MMP24: variants seen among roughly 807,000 people sequenced by gnomAD.
The protein encoded by MMP24 is matrix metallopeptidase 24, also known as matrix metalloproteinase-24.
MMP24 carries 25 observed loss-of-function variants against 62.8 expected under a neutral mutation model. The ratio of observed to expected loss-of-function variants is 0.40; its 90% CI spans 0.29 to 0.56. The LOEUF (loss-of-function observed/expected upper bound fraction) is 0.56, where lower values mean the gene tolerates loss of function less well. MMP24 is among the 20% of genes least tolerant of loss of function. MMP24 has a pLI of 0.50. For missense variants in MMP24, 634 were observed against 853.6 expected (o/e 0.74, Z 3.21); for synonymous variants, 319 against 350.5 (o/e 0.91, Z 1.00).
At chr20:35,272,864 T>C (rs2060679212) in intron 8 of MMP24, among the ~76,000 whole-genome samples, 1 of 152,206 alleles carries the variant, frequency 6.6e-6, no homozygotes, top group Non-Finnish European at 1.5e-5. Context: ...CTTTATATAA[T>C]GGTTTTGTGA....
At chr20:35,252,073 T>G in intron 3 of MMP24, 52 bp downstream of exon 3, 1 of 1,429,202 alleles carries the variant, frequency 7.0e-7, no homozygotes, top group Non-Finnish European at 9.9e-7. Context: ...CCTCACTCTG[T>G]TTTTCCTGGC....
At chr20:35,261,290 G>C (rs150739582) in intron 4 of MMP24, among the ~76,000 whole-genome samples, 150 of 152,242 alleles carry the variant, frequency 9.9e-4, no homozygotes, top group African/African-American at 3.5e-3. Context: ...CTTCCTTTCT[G>C]GTCAATGGGC....
At chr20:35,257,454 G>A (rs546270121) in intron 4 of MMP24, among the ~76,000 whole-genome samples, 7 of 152,166 alleles carry the variant, frequency 4.6e-5, no homozygotes, top group Non-Finnish European at 1.0e-4. Context: ...ATATTTTTGA[G>A]GCCCTGTTAT....
At chr20:35,265,223 C>G (rs2060626653) in intron 5 of MMP24, among the ~76,000 whole-genome samples, 1 of 152,112 alleles carries the variant, frequency 6.6e-6, no homozygotes. Flanking sequence ...GGGCGATTAC[C>G]TGAGGTCAGG....
In MMP24 at chr20:35,271,064, T is replaced by C. The variant is rs528927243; in HGVS notation, c.1334-505T>C. On this transcript the variant is annotated intron_variant, in intron 7 of 8. Coordinates refer to ENST00000246186, the MANE Select transcript of MMP24 (RefSeq NM_006690.4). The surrounding 1 kb of genome is among the most constrained non-coding windows in gnomAD (Gnocchi z 4.0). ...TTAAAAAAAAGAAGTGGCTGAATACTGAGAGGAGAAGGAAAGAGAGGGTCA... is the reference window on the plus strand; with the variant it reads ...TTAAAAAAAAGAAGTGGCTGAATACCGAGAGGAGAAGGAAAGAGAGGGTCA... Among the ~76,000 whole-genome samples, 6 of 151,480 alleles carry C rather than the reference T, an allele frequency of 4.0e-5. No individual in the cohort carries two copies. The highest frequency in any genetic ancestry group is 1.2e-4 in the African/African-American group (5 of 41,034).
intron 6 of MMP24, chr20:35,267,949 T>G (rs1175374174): frequency 6.5e-6 from 1 of 154,358 alleles, no homozygotes; most frequent in Non-Finnish European, 1.4e-5. Context: ...CTTGACGTGT[T>G]GCAGGTTGGG....
chr20:35,227,105 C>T (rs1295790631), intron 1 of MMP24, 121 bp downstream of exon 1: 3 of 802,850 alleles, frequency 3.7e-6, no homozygotes, highest in South Asian at 5.5e-5. Context: ...GGCGGCGCGC[C>T]GGGGGTCCGC....
intron 5 of MMP24, among the ~76,000 whole-genome samples, chr20:35,266,710 G>A (rs1036856455): frequency 6.6e-6 from 1 of 152,140 alleles, no homozygotes; most frequent in African/African-American, 2.4e-5. Flanking sequence ...AAACTCTCAG[G>A]CCCCACCCCA....
rs542500582 is a variant in MMP24 at position 35,276,042 on chromosome 20, A to C, written c.*1433A>C. 1.0e-5 allele frequency: 4 copies of C among 398,640 alleles called. No individual in the cohort carries two copies. In the East Asian group the frequency reaches 1.1e-4, roughly 11 times the overall value. 24.7% of individuals were successfully genotyped at this position (398,640 alleles called of 1,614,324 possible). On this transcript the variant is annotated 3_prime_UTR_variant, in exon 9 of 9. Transcript: ENST00000246186. Reference sequence around the variant, plus strand: ...CACTGGCTCTCTGCCAAAGCCAAAAAGGTGTCAGGCAGTCTCCAGCGTGCT... The same window carrying C: ...CACTGGCTCTCTGCCAAAGCCAAAACGGTGTCAGGCAGTCTCCAGCGTGCT...
In MMP24 at chr20:35,275,370, G is replaced by A. The variant is rs2060698030; in HGVS notation, c.*761G>A. The A allele has an allele frequency of 6.6e-6, 1 of 152,252 alleles. No homozygotes were observed. The highest frequency in any genetic ancestry group is 6.5e-5 in the Admixed American group (1 of 15,282). The allele number at this position is 152,252 out of a possible 1,614,324, so 9.4% of individuals were successfully genotyped here. On this transcript the variant is annotated 3_prime_UTR_variant, in exon 9 of 9. Transcript: ENST00000246186. ...GTGAACTAGAGGTGACTGTCTTGGT[G>A]ATGAGGCCAGCATAGCGGCCCTCCC...
Position 35,261,689 on chromosome 20 carries a change from C to A in MMP24, c.818-2102C>A, listed in dbSNP as rs78671632. Among the ~76,000 whole-genome samples, 717 of 152,258 alleles carry A rather than the reference C, an allele frequency of 4.7e-3. 8 individuals carry two copies. Among genetic ancestry groups the A allele is most frequent in the African/African-American group, 0.016 (682 of 41,536 alleles). On this transcript the variant is annotated intron_variant, in intron 4 of 8. Coordinates refer to ENST00000246186, the MANE Select transcript of MMP24 (RefSeq NM_006690.4). ...AACCAAGGTCCTGCAGAGAGCTGCC[C>A]ACGCCCGGGCCCCACCTGCCCTGCC...
Position 35,274,248 on chromosome 20 carries a change from T to C in MMP24, c.1601-24T>C. 6.3e-6 allele frequency: 10 copies of C among 1,576,710 alleles called. No individual in the cohort carries two copies. The highest frequency in any genetic ancestry group is 8.6e-6 in the Non-Finnish European group (10 of 1,162,048). ...AGGTGCCGGAAGTGTCTGGGAGTGG[T>C]GATGCTGGGCTGTATTTCTGCAGAT... On this transcript the variant is annotated intron_variant, in intron 8 of 8. Transcript: ENST00000246186. The surrounding 1 kb of genome is among the most constrained non-coding windows in gnomAD (Gnocchi z 5.1).
chr20:35,272,017 C>A, intron 8 of MMP24, 182 bp downstream of exon 8: 1 of 670,818 alleles, frequency 1.5e-6, no homozygotes, highest in South Asian at 2.0e-5. Flanking sequence ...GCTGCCAAGT[C>A]ACACTTTTTC....
At chr20:35,250,204 C>A (rs530877480) in intron 2 of MMP24, among the ~76,000 whole-genome samples, 2 of 152,254 alleles carry the variant, frequency 1.3e-5, no homozygotes, top group South Asian at 4.2e-4. Flanking sequence ...TCTCCTGCCT[C>A]AGCTTCCCAA....
chr20:35,236,743 G>A (rs2060465187), intron 1 of MMP24, among the ~76,000 whole-genome samples: 1 of 152,162 alleles, frequency 6.6e-6, no homozygotes, highest in African/African-American at 2.4e-5. Flanking sequence ...GGAGGCTGAG[G>A]TGAGTGGACC....
At chr20:35,227,496 C>A (rs2060419862) in intron 1 of MMP24, among the ~76,000 whole-genome samples, 1 of 151,624 alleles carries the variant, frequency 6.6e-6, no homozygotes, top group African/African-American at 2.4e-5. Context: ...AGAACTAGGG[C>A]CAGCGGGAGT....
intron 1 of MMP24, among the ~76,000 whole-genome samples, chr20:35,231,561 T>C (rs2060437487): frequency 6.6e-6 from 1 of 152,260 alleles, no homozygotes; most frequent in African/African-American, 2.4e-5. Flanking sequence ...GGTTTCATAT[T>C]ACTTTAATAG....
chr20:35,238,207 G>GT (rs1260812254), intron 1 of MMP24, among the ~76,000 whole-genome samples: 4 of 152,288 alleles, frequency 2.6e-5, no homozygotes, highest in Middle Eastern at 3.4e-3. Context: ...TTCTAAATGG[G>GT]TAACATAGTC....
At chr20:35,270,770 T>G (rs1238274805) in intron 7 of MMP24, among the ~76,000 whole-genome samples, 1 of 152,226 alleles carries the variant, frequency 6.6e-6, no homozygotes, top group East Asian at 1.9e-4. Context: ...CCAGGCGCAG[T>G]GGCTCACGCC....
Sources: allele counts gnomAD v4.1 joint callset (sites outside exome capture counted in the v4.1 genomes callset), GRCh38; gene constraint gnomAD v4.1.1; non-coding constraint Gnocchi (gnomAD v3.1); transcripts MANE v1.5; gene names NCBI Gene and HGNC (gene_info 2026-07-23, HGNC 2026-07-21).